The following PXYLP1 variants were observed in gnomAD, a reference collection of about 807,000 sequenced individuals.
The protein encoded by PXYLP1 is 2-phosphoxylose phosphatase 1.
Under a neutral mutation model 37.9 loss-of-function variants are expected in PXYLP1, and 17 were observed. The observed-to-expected ratio is 0.45, with a 90% CI of 0.31 to 0.67. PXYLP1 has a LOEUF of 0.67. Among genes scored for constraint, PXYLP1 ranks in the 30% least tolerant of loss-of-function variants. PXYLP1 has a pLI of 0.07. For missense variants in PXYLP1, 511 were observed against 612.0 expected, an observed-to-expected ratio of 0.84 and a Z score of 1.74; for synonymous variants, 221 against 232.2, an observed-to-expected ratio of 0.95 and a Z score of 0.44.
At chr3:141,247,639 G>T (rs1940992373) in intron 1 of PXYLP1, among the ~76,000 whole-genome samples, 1 of 152,158 alleles carries the variant, frequency 6.6e-6, no homozygotes, top group Non-Finnish European at 1.5e-5. Context: ...TCCCACCACT[G>T]CAATTTCCTA....
At chr3:141,260,290 T>C (rs1576587560) in intron 2 of PXYLP1, 36 bp downstream of exon 2, 1 of 1,605,500 alleles carries the variant, frequency 6.2e-7, no homozygotes, top group East Asian at 2.2e-5. Context: ...CGTGGGAGGG[T>C]AGGGGCTTCA....
chr3:141,251,602 T>C (rs1377786062), intron 1 of PXYLP1, among the ~76,000 whole-genome samples: 2 of 152,226 alleles, frequency 1.3e-5, no homozygotes, highest in African/African-American at 2.4e-5. Flanking sequence ...ATAGTATGTC[T>C]GCTACAGTGA....
intron 1 of PXYLP1, among the ~76,000 whole-genome samples, chr3:141,239,897 T>A (rs900854114): frequency 6.6e-6 from 1 of 152,214 alleles, no homozygotes; most frequent in Non-Finnish European, 1.5e-5. Flanking sequence ...CTGTAAAGCT[T>A]TGGCCTTTAG....
chr3:141,275,163 G>A (rs1356945253), intron 2 of PXYLP1, among the ~76,000 whole-genome samples: 1 of 152,200 alleles, frequency 6.6e-6, no homozygotes. Flanking sequence ...AGACACAGTT[G>A]ACAGGCCCAG....
At chr3:141,257,217 CCA>C (rs1294257697) in intron 1 of PXYLP1, among the ~76,000 whole-genome samples, 1 of 152,192 alleles carries the variant, frequency 6.6e-6, no homozygotes, top group Non-Finnish European at 1.5e-5. Context: ...CAAACTGTCA[CCA>C]CAGTTTGTTT....
rs183681951 is a variant in PXYLP1, at chr3:141,264,202, T to G, written c.79+3948T>G. On this transcript the variant is annotated intron_variant, in intron 2 of 5. Coordinates refer to ENST00000286353, the MANE Select transcript of PXYLP1 (RefSeq NM_001037172.3). The stretch of plus-strand genomic sequence containing the variant: ...AAAGAGGAAAAGAGGAGGGCTAACC[T>G]GCAAAAATGAGAGTGAGGGTTGCTG... Among the ~76,000 whole-genome samples the G allele has an allele frequency of 1.1e-4, 17 of 151,908 alleles. No individual in the cohort carries two copies. In the East Asian group the frequency reaches 2.5e-3, roughly 22 times the overall value.
intron 2 of PXYLP1, among the ~76,000 whole-genome samples, chr3:141,265,737 A>G (rs79817439): frequency 6.6e-6 from 1 of 152,294 alleles, no homozygotes; most frequent in African/African-American, 2.4e-5. Context: ...GCATGCATTC[A>G]TTCACGTAAA....
chr3:141,268,842 A>G (rs1941595685), intron 2 of PXYLP1, among the ~76,000 whole-genome samples: 1 of 152,192 alleles, frequency 6.6e-6, no homozygotes, highest in Non-Finnish European at 1.5e-5. Flanking sequence ...GTGGGAAAGA[A>G]TGGGGAGGTG....
In PXYLP1 at chr3:141,292,076, T is replaced by C. The variant is rs975304502; in HGVS notation, c.506-192T>C. On this transcript the variant is annotated intron_variant, in intron 5 of 5. Transcript: ENST00000286353. This position sits in a 1 kb window ranked among gnomAD's most constrained non-coding sequence, Gnocchi z 4.3. Reference sequence around the variant, plus strand: ...AGGGCCCCGCTCTGCTCATCCTTCATGAATAACCCCAAGAGGCTCCCTTCA... The same window carrying C: ...AGGGCCCCGCTCTGCTCATCCTTCACGAATAACCCCAAGAGGCTCCCTTCA... 6.6e-6 allele frequency among the ~76,000 whole-genome samples: 1 copy of C among 152,152 alleles called. No individual in the cohort carries two copies. Among genetic ancestry groups the C allele is most frequent in the Admixed American group, 6.5e-5 (1 of 15,270 alleles).
chr3:141,254,271 T>C (rs956511341), intron 1 of PXYLP1, among the ~76,000 whole-genome samples: 3 of 152,212 alleles, frequency 2.0e-5, no homozygotes, highest in Non-Finnish European at 4.4e-5. Flanking sequence ...ATAAATACTT[T>C]AGTGCCTTTC....
intron 1 of PXYLP1, among the ~76,000 whole-genome samples, chr3:141,250,480 G>C (rs879317556): frequency 1.3e-5 from 2 of 152,222 alleles, no homozygotes; most frequent in Non-Finnish European, 2.9e-5. Flanking sequence ...TCTGCCAGGA[G>C]GTGCATCCTG....
chr3:141,273,329 C>T, intron 2 of PXYLP1: 1 of 985,406 alleles, frequency 1.0e-6, no homozygotes, highest in African/African-American at 1.7e-5. Flanking sequence ...TTAGGTAACT[C>T]CCTTGACCTG....
At chr3:141,267,733 T>G (rs965442395) in intron 2 of PXYLP1, 1 of 152,166 alleles carries the variant, frequency 6.6e-6, no homozygotes. Context: ...GAGAGTGTCA[T>G]GTAGCAGGTT....
intron 2 of PXYLP1, among the ~76,000 whole-genome samples, chr3:141,264,378 G>A (rs540411358): frequency 6.6e-6 from 1 of 152,280 alleles, no homozygotes; most frequent in South Asian, 2.1e-4. Flanking sequence ...ACTCTGGAGG[G>A]CTGCTCTTTG....
chr3:141,250,549 G>C (rs1484379499), intron 1 of PXYLP1, among the ~76,000 whole-genome samples: 1 of 152,202 alleles, frequency 6.6e-6, no homozygotes, highest in Non-Finnish European at 1.5e-5. Flanking sequence ...TTGAGTGTGG[G>C]CACATGACAC....
At chr3:141,253,366 T>TC (rs1319144400) in intron 1 of PXYLP1, among the ~76,000 whole-genome samples, 2 of 152,144 alleles carry the variant, frequency 1.3e-5, no homozygotes, top group African/African-American at 4.8e-5. Flanking sequence ...GCACAACACT[T>TC]CCCTGCATGT....
At chr3:141,282,775 G>C (rs1576604192) in intron 4 of PXYLP1, among the ~76,000 whole-genome samples, 1 of 152,212 alleles carries the variant, frequency 6.6e-6, no homozygotes, top group East Asian at 1.9e-4. Flanking sequence ...CTTGGTGGCA[G>C]GTTGGACAGG....
rs1329612631 is a variant in PXYLP1, at chr3:141,248,635, ACACACG to A, written c.-53-11487_-53-11482del. ...CGTATATATACACACACGTATATAT[ACACACG>A]TGTATATATACACACGTATATATAC... is the stretch of plus-strand genomic sequence containing the variant. On this transcript the variant is annotated intron_variant, in intron 1 of 5. Coordinates refer to ENST00000286353, the MANE Select transcript of PXYLP1 (RefSeq NM_001037172.3). Among the ~76,000 whole-genome samples, 17 of 103,400 alleles carry A rather than the reference ACACACG, an allele frequency of 1.6e-4. 1 individual carries two copies. Among genetic ancestry groups the A allele is most frequent in the African/African-American group, 8.4e-4 (15 of 17,836 alleles). 67.8% of individuals were successfully genotyped at this position (103,400 alleles called of 152,430 possible).
intron 5 of PXYLP1, among the ~76,000 whole-genome samples, chr3:141,289,930 C>T (rs890619224): frequency 6.6e-6 from 1 of 152,192 alleles, no homozygotes. Flanking sequence ...GATCTTTCTT[C>T]TCAATTCATC....
Sources: gnomAD v4.1 joint callset for allele counts (sites outside exome capture counted in the v4.1 genomes callset) on GRCh38, gnomAD v4.1.1 for gene constraint, Gnocchi (gnomAD v3.1) non-coding constraint, MANE v1.5 for transcripts, NCBI Gene and HGNC (gene_info 2026-07-23, HGNC 2026-07-21) for gene names.